The following VPS13C variants were observed in gnomAD, a reference collection of about 807,000 sequenced individuals.
VPS13C encodes the protein intermembrane lipid transfer protein VPS13C.
A neutral mutation model predicts 456.8 loss-of-function variants in VPS13C; 358 were observed. The ratio of observed to expected loss-of-function variants is 0.78; its 90% CI spans 0.72 to 0.86. The LOEUF (loss-of-function observed/expected upper bound fraction) is 0.86. VPS13C is among the 40% of genes least tolerant of loss of function. The probability of loss-of-function intolerance (pLI) is 0.00; values close to 1 mark genes in which losing one functional copy is unlikely to be tolerated. For missense variants in VPS13C, 4,818 were observed against 4,385.4 expected (o/e 1.10, Z -2.79); for synonymous variants, 1,578 against 1,486.7 (o/e 1.06, Z -1.41).
chr15:62,044,474 A>G (rs1259380806), intron 1 of VPS13C, among the ~76,000 whole-genome samples: 4 of 152,204 alleles, frequency 2.6e-5, no homozygotes, highest in Non-Finnish European at 5.9e-5. Flanking sequence ...AAAAGAAGTT[A>G]TAACACATTA....
chr15:61,861,114 A>G (rs1894203559), intron 82 of VPS13C, among the ~76,000 whole-genome samples: 1 of 151,750 alleles, frequency 6.6e-6, no homozygotes, highest in Admixed American at 6.6e-5. Flanking sequence ...GGCATGCGCC[A>G]CAAAGTCCAG....
At position 61,951,989 on chromosome 15, in the gene VPS13C, C is replaced by A. The variant is rs770618110; in HGVS notation, c.4300-9G>T. 5.0e-6 allele frequency: 8 copies of A among 1,611,104 alleles called. 1 individual carries two copies. The South Asian group carries it at 8.8e-5, about 18-fold the overall frequency. ...ATCAAAGTAACCACAACCTAAAAAACGGTACCAGTATTACCACCAACTATT... is the reference window on the plus strand; with the variant it reads ...ATCAAAGTAACCACAACCTAAAAAAAGGTACCAGTATTACCACCAACTATT... On this transcript the variant is annotated splice_polypyrimidine_tract_variant and intron_variant, in intron 38 of 84. Transcript: ENST00000644861.
At chr15:61,945,989 A>G (rs1183301216) in intron 44 of VPS13C, 107 bp from the exon 45 acceptor site, 4 of 991,946 alleles carry the variant, frequency 4.0e-6, no homozygotes, top group African/African-American at 1.7e-5. Context: ...AAGTAGAAAT[A>G]TATGAATTCA....
intron 60 of VPS13C, among the ~76,000 whole-genome samples, 176 bp downstream of exon 60, chr15:61,917,165 C>A (rs776682283): frequency 9.2e-5 from 14 of 152,126 alleles, no homozygotes; most frequent in Non-Finnish European, 1.6e-4. Flanking sequence ...GCACACAGAG[C>A]AGTTCCTGGC....
chr15:61,964,600 G>T, intron 31 of VPS13C, 99 bp downstream of exon 31: 1 of 1,132,022 alleles, frequency 8.8e-7, no homozygotes, highest in Non-Finnish European at 1.2e-6. Flanking sequence ...GGGGAAAATG[G>T]TATTTAAATG....
intron 9 of VPS13C, among the ~76,000 whole-genome samples, chr15:62,020,109 CAT>C (rs1266027513): frequency 7.7e-6 from 1 of 129,654 alleles, no homozygotes; most frequent in Non-Finnish European, 1.5e-5. Flanking sequence ...CACACACACA[CAT>C]ACATAAACAT....
chr15:61,967,787 CTTTG>C (rs2045425890), intron 28 of VPS13C, among the ~76,000 whole-genome samples: 1 of 151,806 alleles, frequency 6.6e-6, no homozygotes, highest in African/African-American at 2.4e-5. Flanking sequence ...AAGAGGAAAG[CTTTG>C]TTTTTGTTTT....
At chr15:61,887,404 A>G (rs1896348908) in intron 67 of VPS13C, among the ~76,000 whole-genome samples, 1 of 152,264 alleles carries the variant, frequency 6.6e-6, no homozygotes, top group Admixed American at 6.5e-5. Flanking sequence ...ACACCTGGAC[A>G]TCCATATGCA....
chr15:62,017,705 G>A (rs1028915637), intron 9 of VPS13C, among the ~76,000 whole-genome samples: 1 of 152,164 alleles, frequency 6.6e-6, no homozygotes, highest in Admixed American at 6.5e-5. Flanking sequence ...AGTATAGTTT[G>A]AAGTCAGGTA....
intron 9 of VPS13C, among the ~76,000 whole-genome samples, chr15:62,014,849 G>A (rs978088997): frequency 6.6e-6 from 1 of 152,024 alleles, no homozygotes; most frequent in Admixed American, 6.6e-5. Flanking sequence ...ATAAAAGAGG[G>A]AATGGTAAAT....
chr15:62,037,206 T>C (rs1390816955), intron 3 of VPS13C, among the ~76,000 whole-genome samples: 1 of 107,210 alleles, frequency 9.3e-6, no homozygotes, highest in African/African-American at 3.7e-5. Context: ...AAATATAATA[T>C]ATAAATATAT....
At chr15:62,054,699 C>T (rs1221747456) in intron 1 of VPS13C, among the ~76,000 whole-genome samples, 2 of 150,442 alleles carry the variant, frequency 1.3e-5, no homozygotes, top group Non-Finnish European at 3.0e-5. Flanking sequence ...CAAACCTGCA[C>T]ATTCTGCACA....
At chr15:61,953,683 G>A (rs1428601952) in intron 38 of VPS13C, among the ~76,000 whole-genome samples, 1 of 152,004 alleles carries the variant, frequency 6.6e-6, no homozygotes, top group African/African-American at 2.4e-5. Flanking sequence ...ATTGTGAATA[G>A]TGCCGCAATA....
In VPS13C at chr15:61,929,530, G is replaced by A. The variant is rs1320570952; in HGVS notation, c.6257C>T (p.Thr2086Ile). 1.9e-6 allele frequency: 3 copies of A among 1,613,974 alleles called. No homozygotes were observed. The highest frequency in any genetic ancestry group is 2.2e-5 in the South Asian group (2 of 91,076). The change falls in exon 51 of 85, where the codon ACT becomes ATT. Residue 2086 changes from threonine (T) to isoleucine (I), a missense_variant. This residue lies in a region of VPS13C where 4,552 missense variants were observed against 4,130.6 expected (regional missense o/e 1.10). Transcript: ENST00000644861. ...CTCTATCTTGACCTTCCCTGTGGCA[G>A]TCTGTCTTGGTAAAATCTGTGTTTC... ...AKETQILPRQ[T>I]ATGKVKIEKD...
At position 62,013,049 on chromosome 15, in the gene VPS13C, T is replaced by TC; in HGVS notation, c.814dup (p.Glu272GlyfsTer10). 3 of 1,609,344 alleles carry TC rather than the reference T, an allele frequency of 1.9e-6. No individual in the cohort carries two copies. Among genetic ancestry groups the TC allele is most frequent in the Non-Finnish European group, 1.7e-6 (2 of 1,177,596 alleles). ...ATACATTAATATTACCAAAATCTGT[T>TC]CCCTTGATCTCTGGTAAGACATGCT... On this transcript the variant is annotated frameshift_variant, in exon 11 of 85. Transcript: ENST00000644861. LOFTEE classifies it high-confidence loss of function.
intron 70 of VPS13C, 55 bp downstream of exon 70, chr15:61,881,692 C>G: frequency 6.3e-7 from 1 of 1,598,120 alleles, no homozygotes; most frequent in Non-Finnish European, 8.5e-7. Context: ...TAAACTAATG[C>G]CTATTTAACT....
chr15:61,962,581 T>C (rs373990517), intron 33 of VPS13C, 43 bp from the exon 34 acceptor site: 8 of 1,534,266 alleles, frequency 5.2e-6, no homozygotes, highest in Non-Finnish European at 7.0e-6. Flanking sequence ...GGGAAGGTAA[T>C]GACAAAATAA....
rs141989364 is a variant in VPS13C at position 61,907,388 on chromosome 15, C to A, written c.8981G>T (p.Gly2994Val). 163 of 1,613,446 alleles carry A rather than the reference C, an allele frequency of 1.0e-4. 1 individual carries two copies. The African/African-American group carries it at 1.5e-3, about 14-fold the overall frequency. ...PWDILTYKQS[G>V]SPEEMVLLPR... ...CAGCAAGACCATTTCTTCTGGTGAC[C>A]CACTAAAACACAATGAACAGAGAGA... is the stretch of plus-strand genomic sequence containing the variant. Residue 2994 changes from glycine (G) to valine (V), a missense_variant and splice_region_variant, in exon 66 of 85, where the codon GGG becomes GTG. Coordinates refer to ENST00000644861, the MANE Select transcript of VPS13C (RefSeq NM_020821.3).
chr15:61,869,193 C>T (rs1894826247), intron 80 of VPS13C, among the ~76,000 whole-genome samples: 1 of 149,538 alleles, frequency 6.7e-6, no homozygotes, highest in Non-Finnish European at 1.5e-5. Context: ...TCTCAGCTCA[C>T]TGCAACCTCC....
Sources: allele counts gnomAD v4.1 joint callset (sites outside exome capture counted in the v4.1 genomes callset), GRCh38; gene constraint gnomAD v4.1.1; regional missense constraint gnomAD v4.1.1; transcripts MANE v1.5; gene names NCBI Gene and HGNC (gene_info 2026-07-23, HGNC 2026-07-21).